Variants in SNX25 observed in about 807,000 individuals in gnomAD.
The protein encoded by SNX25 is sorting nexin-25.
A neutral mutation model predicts 113.7 loss-of-function variants in SNX25; 62 were observed. The observed-to-expected ratio is 0.55, with a 90% CI of 0.44 to 0.67. SNX25 has a LOEUF of 0.67. SNX25 is among the 30% of genes least tolerant of loss of function. SNX25 has a pLI of 0.00. For synonymous variants in SNX25, 421 were observed against 436.2 expected (o/e 0.97, Z 0.43); for missense variants, 1,014 against 1,161.0 (o/e 0.87, Z 1.84).
At chr4:185,270,079 CAAA>C (rs35691426) in intron 5 of SNX25, among the ~76,000 whole-genome samples, 166 of 123,452 alleles carry the variant, frequency 1.3e-3, no homozygotes, top group Middle Eastern at 4.7e-3. Context: ...AGAAGTAGCT[CAAA>C]AAAAAAAAAA....
chr4:185,351,080 AAC>A (rs986479063), intron 13 of SNX25, among the ~76,000 whole-genome samples: 4 of 152,180 alleles, frequency 2.6e-5, no homozygotes, highest in Admixed American at 2.6e-4. Context: ...AAGTTGGTCA[AAC>A]ACAGATGACT....
chr4:185,283,341 G>GT (rs763735850), intron 5 of SNX25, among the ~76,000 whole-genome samples: 13 of 152,210 alleles, frequency 8.5e-5, no homozygotes, highest in Admixed American at 2.6e-4. Flanking sequence ...TGCATGGAGT[G>GT]TTTAATAAGA....
At chr4:185,272,516 T>C (rs1447014290) in intron 5 of SNX25, among the ~76,000 whole-genome samples, 1 of 152,216 alleles carries the variant, frequency 6.6e-6, no homozygotes, top group East Asian at 1.9e-4. Context: ...GAAAATGGTT[T>C]GTTCTTCCAC....
chr4:185,327,086 C>G (rs1030049321), intron 9 of SNX25, among the ~76,000 whole-genome samples: 9 of 152,194 alleles, frequency 5.9e-5, no homozygotes, highest in Admixed American at 4.6e-4. Context: ...TCTTATGCCT[C>G]CTTATAATCT....
At chr4:185,355,484 T>A (rs2095334954) in intron 15 of SNX25, among the ~76,000 whole-genome samples, 1 of 152,164 alleles carries the variant, frequency 6.6e-6, no homozygotes, top group African/African-American at 2.4e-5. Flanking sequence ...AAAAATGTAA[T>A]TCACATTAAG....
rs200631935 is a variant in SNX25 at position 185,351,628 on chromosome 4, G to A, written c.2466+19G>A. 39 of 1,610,996 alleles carry A rather than the reference G, an allele frequency of 2.4e-5. No individual in the cohort carries two copies. The East Asian group carries it at 8.7e-4, about 36-fold the overall frequency. On this transcript the variant is annotated intron_variant, in intron 14 of 18. Transcript: ENST00000652585. ...CCAGGAGGTGAGCCGTTGAAAGAGT[G>A]AACCACTTTTGTAGTGTATTTCAGC... is the stretch of plus-strand genomic sequence containing the variant.
intron 5 of SNX25, among the ~76,000 whole-genome samples, chr4:185,269,330 C>G (rs1035991054): frequency 6.6e-6 from 1 of 152,144 alleles, no homozygotes; most frequent in Non-Finnish European, 1.5e-5. Context: ...ACTCATCTAC[C>G]TGGTGTTTTC....
chr4:185,231,161 T>C (rs1461750552), intron 1 of SNX25, among the ~76,000 whole-genome samples: 4 of 151,314 alleles, frequency 2.6e-5, no homozygotes, highest in South Asian at 4.2e-4. Flanking sequence ...TGCAGTGGCA[T>C]GATCTCGGCT....
chr4:185,363,519 A>G lies in SNX25; in HGVS notation c.*54A>G. 1 of 1,547,286 alleles carries G rather than the reference A, an allele frequency of 6.5e-7. No homozygotes were observed. Among genetic ancestry groups the G allele is most frequent in the Non-Finnish European group, 8.9e-7 (1 of 1,120,486 alleles). ...GTCTGTGTAATAATAGACATGAAACATTTTCCTCTTTTCCACAGAGGGCTT... is the reference window on the plus strand; with the variant it reads ...GTCTGTGTAATAATAGACATGAAACGTTTTCCTCTTTTCCACAGAGGGCTT... On this transcript the variant is annotated 3_prime_UTR_variant, in exon 19 of 19. Coordinates refer to ENST00000652585, the MANE Select transcript of SNX25 (RefSeq NM_001378034.2). The surrounding 1 kb of genome is among the most constrained non-coding windows in gnomAD (Gnocchi z 4.2).
chr4:185,208,423 G>C (rs1012455846), upstream of SNX25, among the ~76,000 whole-genome samples: 1 of 152,118 alleles, frequency 6.6e-6, no homozygotes, highest in African/African-American at 2.4e-5. Context: ...TTCTGACTTA[G>C]AAGGTTTAAG....
chr4:185,256,493 C>CA (rs1746446408), intron 2 of SNX25, among the ~76,000 whole-genome samples: 1 of 151,936 alleles, frequency 6.6e-6, no homozygotes, highest in Non-Finnish European at 1.5e-5. Flanking sequence ...ATATTAATAC[C>CA]AAAATTGTGC....
chr4:185,304,649 A>G (rs1754202000), intron 6 of SNX25, among the ~76,000 whole-genome samples: 1 of 151,764 alleles, frequency 6.6e-6, no homozygotes. Flanking sequence ...GAGCCACCAC[A>G]CCGGGCCTAA....
At chr4:185,239,647 CTTTAT>C (rs1474551100) in intron 1 of SNX25, among the ~76,000 whole-genome samples, 2 of 150,176 alleles carry the variant, frequency 1.3e-5, no homozygotes, top group African/African-American at 2.4e-5. Flanking sequence ...GAAGACAAAA[CTTTAT>C]TTTATTTTTG....
chr4:185,241,285 G>T (rs577779658), intron 1 of SNX25, among the ~76,000 whole-genome samples: 1 of 152,226 alleles, frequency 6.6e-6, no homozygotes, highest in African/African-American at 2.4e-5. Context: ...AGACCAGCCC[G>T]GCCAACACAG....
chr4:185,239,337 G>T (rs1297747011), intron 1 of SNX25, among the ~76,000 whole-genome samples: 1 of 152,014 alleles, frequency 6.6e-6, no homozygotes, highest in Non-Finnish European at 1.5e-5. Flanking sequence ...CAAAAAATTA[G>T]CCGGGCGTGG....
chr4:185,217,400 G>A (rs1739045837), intron 1 of SNX25, among the ~76,000 whole-genome samples: 1 of 152,114 alleles, frequency 6.6e-6, no homozygotes, highest in South Asian at 2.1e-4. Flanking sequence ...ATTACAATAG[G>A]TTCAAGAATA....
intron 1 of SNX25, among the ~76,000 whole-genome samples, chr4:185,242,150 A>G (rs1176810675): frequency 7.9e-5 from 12 of 152,176 alleles, no homozygotes; most frequent in Non-Finnish European, 4.4e-5. Flanking sequence ...CGTAAAAAGG[A>G]ATTTCCATGC....
chr4:185,368,173 G>A (rs574046428), downstream of SNX25, among the ~76,000 whole-genome samples: 19 of 152,114 alleles, frequency 1.2e-4, no homozygotes, highest in East Asian at 5.8e-4. Flanking sequence ...GCCAGACTCC[G>A]TCTCAAAAAA....
intron 5 of SNX25, among the ~76,000 whole-genome samples, chr4:185,275,144 CAG>C (rs1185271394): frequency 6.6e-6 from 1 of 152,164 alleles, no homozygotes; most frequent in Non-Finnish European, 1.5e-5. Flanking sequence ...TAAAGAAAAT[CAG>C]AGCAGCCTAT....
Sources: gnomAD v4.1 joint callset for allele counts (sites outside exome capture counted in the v4.1 genomes callset) on GRCh38, gnomAD v4.1.1 for gene constraint, Gnocchi (gnomAD v3.1) non-coding constraint, MANE v1.5 for transcripts, NCBI Gene and HGNC (gene_info 2026-07-23, HGNC 2026-07-21) for gene names.